The following UBE2E2 variants were observed in gnomAD, a reference collection of about 807,000 sequenced individuals.
The protein encoded by UBE2E2 is ubiquitin-conjugating enzyme E2 E2.
UBE2E2 carries 6 observed loss-of-function variants against 24.7 expected under a neutral mutation model. The ratio of observed to expected loss-of-function variants is 0.24; its 90% CI spans 0.13 to 0.48. The LOEUF is 0.48. Ranked by LOEUF, UBE2E2 falls within the 20% of genes least tolerant of loss-of-function variation. The pLI is 0.99. For synonymous variants in UBE2E2, 104 were observed against 83.6 expected, an observed-to-expected ratio of 1.24 and a Z score of -1.33; for missense variants, 169 against 245.0, an observed-to-expected ratio of 0.69 and a Z score of 2.07.
At chr3:23,515,200 G>A (rs1319977195) in intron 4 of UBE2E2, among the ~76,000 whole-genome samples, 1 of 151,904 alleles carries the variant, frequency 6.6e-6, no homozygotes, top group Admixed American at 6.6e-5. Context: ...TAGAGAGAGA[G>A]ATAAAGCAGA....
At chr3:23,282,066 A>T (rs557664950) in intron 3 of UBE2E2, among the ~76,000 whole-genome samples, 42 of 152,252 alleles carry the variant, frequency 2.8e-4, no homozygotes, top group Non-Finnish European at 5.9e-4. Context: ...CTTTATAACC[A>T]GCAAGGGGCA....
chr3:23,366,445 A>G (rs1361506639), intron 3 of UBE2E2, among the ~76,000 whole-genome samples: 2 of 152,194 alleles, frequency 1.3e-5, no homozygotes, highest in African/African-American at 4.8e-5. Flanking sequence ...TGCAGTATGG[A>G]TATACCATGG....
intron 5 of UBE2E2, among the ~76,000 whole-genome samples, chr3:23,565,987 T>C (rs1696064653): frequency 6.6e-6 from 1 of 152,178 alleles, no homozygotes; most frequent in African/African-American, 2.4e-5. Flanking sequence ...CTTTTGAACT[T>C]AGAGAGATGG....
rs60236002 is a variant in UBE2E2, at chr3:23,364,966, C to T, written c.228-134642C>T. ...TTCCTGGGATGCAAAGTTAGTTCAGCATACACAGATCAATAAATGTGATTT... is the reference window on the plus strand; with the variant it reads ...TTCCTGGGATGCAAAGTTAGTTCAGTATACACAGATCAATAAATGTGATTT... On this transcript the variant is annotated intron_variant, in intron 3 of 5. Coordinates refer to ENST00000396703, the MANE Select transcript of UBE2E2 (RefSeq NM_152653.4). Among the ~76,000 whole-genome samples, 97 of 152,230 alleles carry T rather than the reference C, an allele frequency of 6.4e-4. 5 individuals carry two copies. In the East Asian group the frequency reaches 0.015, roughly 24 times the overall value.
In UBE2E2 at chr3:23,233,641, TTATTAA is replaced by T. The variant is rs1430395319; in HGVS notation, c.227+16335_227+16340del. ...TTGGATGATCTCCAAGTGGCTTTAGTTATTAATATTATAATAACAAAAGAACCTCAT... is the reference window on the plus strand; with the variant it reads ...TTGGATGATCTCCAAGTGGCTTTAGTTATTATAATAACAAAAGAACCTCAT... On this transcript the variant is annotated intron_variant, in intron 3 of 5. Coordinates refer to ENST00000396703, the MANE Select transcript of UBE2E2 (RefSeq NM_152653.4). Among the ~76,000 whole-genome samples, 5 of 152,164 alleles carry T rather than the reference TTATTAA, an allele frequency of 3.3e-5. No individual in the cohort carries two copies. In the East Asian group the frequency reaches 9.6e-4, roughly 29 times the overall value.
At chr3:23,403,202 A>G (rs1239455096) in intron 3 of UBE2E2, among the ~76,000 whole-genome samples, 8 of 152,240 alleles carry the variant, frequency 5.3e-5, no homozygotes, top group African/African-American at 1.7e-4. Flanking sequence ...ACTTTGCAAT[A>G]CTTGATCTAA....
intron 3 of UBE2E2, among the ~76,000 whole-genome samples, chr3:23,497,438 G>A (rs1466753329): frequency 6.6e-6 from 1 of 152,200 alleles, no homozygotes; most frequent in East Asian, 1.9e-4. Flanking sequence ...GGCAATAGCT[G>A]AGTTCATTGC....
chr3:23,291,101 G>A (rs1484425983), intron 3 of UBE2E2, among the ~76,000 whole-genome samples: 3 of 150,878 alleles, frequency 2.0e-5, no homozygotes, highest in African/African-American at 7.3e-5. Flanking sequence ...TGAGCCTAGG[G>A]CTGCTTCTAG....
intron 3 of UBE2E2, among the ~76,000 whole-genome samples, chr3:23,369,951 T>A (rs1449592743): frequency 6.6e-6 from 1 of 152,222 alleles, no homozygotes; most frequent in Non-Finnish European, 1.5e-5. Flanking sequence ...GTCAGAAATC[T>A]TTATTTTACA....
chr3:23,510,422 C>T (rs1694569099), intron 4 of UBE2E2, among the ~76,000 whole-genome samples: 2 of 152,194 alleles, frequency 1.3e-5, no homozygotes, highest in South Asian at 4.2e-4. Context: ...GCTTGACCAA[C>T]ATGGTGAAAC....
At chr3:23,401,880 T>G (rs1441503090) in intron 3 of UBE2E2, among the ~76,000 whole-genome samples, 1 of 128,466 alleles carries the variant, frequency 7.8e-6, no homozygotes, top group African/African-American at 3.1e-5. Context: ...TTTTGTGAGA[T>G]GGAGTCTCGC....
chr3:23,364,554 A>T (rs1317685763), intron 3 of UBE2E2, among the ~76,000 whole-genome samples: 1 of 152,048 alleles, frequency 6.6e-6, no homozygotes, highest in Non-Finnish European at 1.5e-5. Flanking sequence ...GAAACATACG[A>T]CCTCCCAAGA....
At position 23,532,640 on chromosome 3, in the gene UBE2E2, G is replaced by A. The variant is rs79907957; in HGVS notation, c.447G>A (p.Pro149=). 1.9e-4 allele frequency: 298 copies of A among 1,574,566 alleles called. No individual in the cohort carries two copies. In the African/African-American group the frequency reaches 3.2e-3, roughly 17 times the overall value. The change falls in exon 5 of 6, where the codon CCG becomes CCA. Residue 149 remains proline (P), a synonymous_variant. Transcript: ENST00000396703. ...CLDILKDNWS[P]ALTISKVLLS... ...ACATCTTAAAGGACAACTGGAGTCCGGCTTTAACTATTTCTAAAGTTCTCC... is the reference window on the plus strand; with the variant it reads ...ACATCTTAAAGGACAACTGGAGTCCAGCTTTAACTATTTCTAAAGTTCTCC...
At chr3:23,276,781 A>G (rs1414169113) in intron 3 of UBE2E2, among the ~76,000 whole-genome samples, 1 of 152,110 alleles carries the variant, frequency 6.6e-6, no homozygotes, top group East Asian at 1.9e-4. Context: ...GAGCATTTGT[A>G]CTTTTTGTGA....
intron 5 of UBE2E2, among the ~76,000 whole-genome samples, chr3:23,566,761 T>C (rs1290674583): frequency 1.3e-5 from 2 of 152,142 alleles, no homozygotes; most frequent in Admixed American, 6.6e-5. Flanking sequence ...CCCCAACACC[T>C]GCCACTAGGC....
chr3:23,347,135 A>G lies in UBE2E2; in HGVS notation c.227+129823A>G, dbSNP rs867950397. On this transcript the variant is annotated intron_variant, in intron 3 of 5. Coordinates refer to ENST00000396703, the MANE Select transcript of UBE2E2 (RefSeq NM_152653.4). Reference sequence around the variant, plus strand: ...TGTAAACTAGTTCAACCATTGTGGAAGACAGTGTGGCGATTTCTCAAGGAT... The same window carrying G: ...TGTAAACTAGTTCAACCATTGTGGAGGACAGTGTGGCGATTTCTCAAGGAT... 5.5e-4 allele frequency among the ~76,000 whole-genome samples: 83 copies of G among 152,228 alleles called. 1 individual carries two copies. Among genetic ancestry groups the G allele is most frequent in the African/African-American group, 1.9e-3 (80 of 41,458 alleles).
chr3:23,471,571 G>A (rs549437807), intron 3 of UBE2E2, among the ~76,000 whole-genome samples: 3 of 152,286 alleles, frequency 2.0e-5, no homozygotes, highest in Non-Finnish European at 4.4e-5. Context: ...TTGCTTGGGC[G>A]TTTTTGTAAT....
intron 5 of UBE2E2, among the ~76,000 whole-genome samples, chr3:23,584,740 T>G (rs200845228): frequency 0.012 from 1,677 of 145,692 alleles, 24 homozygotes; most frequent in African/African-American, 0.021. Flanking sequence ...TTTTTTTTTT[T>G]TTTTTTTTTT....
intron 3 of UBE2E2, among the ~76,000 whole-genome samples, chr3:23,352,039 G>A (rs1695771249): frequency 6.6e-6 from 1 of 152,142 alleles, no homozygotes; most frequent in Non-Finnish European, 1.5e-5. Flanking sequence ...CTGTCTCTCA[G>A]ACCTCAGTGC....
Sources: gnomAD v4.1 joint callset for allele counts (sites outside exome capture counted in the v4.1 genomes callset) on GRCh38, gnomAD v4.1.1 for gene constraint, MANE v1.5 for transcripts, NCBI Gene and HGNC (gene_info 2026-07-23, HGNC 2026-07-21) for gene names.